FTO: variants seen among roughly 807,000 people sequenced by gnomAD.
FTO encodes the protein FTO alpha-ketoglutarate dependent dioxygenase, also known as alpha-ketoglutarate-dependent dioxygenase FTO.
In FTO, 47 loss-of-function variants were observed where a neutral mutation model predicts 63.9. The ratio of observed to expected loss-of-function variants is 0.74; its 90% CI spans 0.58 to 0.94. The LOEUF is 0.94. FTO is among the 40% of genes least tolerant of loss of function. FTO has a pLI of 0.00. For missense variants in FTO, 562 were observed against 618.1 expected, an observed-to-expected ratio of 0.91 and a Z score of 0.96; for synonymous variants, 207 against 224.4, an observed-to-expected ratio of 0.92 and a Z score of 0.69.
chr16:53,709,079 C>A (rs1311242859), intron 1 of FTO, among the ~76,000 whole-genome samples: 1 of 152,104 alleles, frequency 6.6e-6, no homozygotes, highest in African/African-American at 2.4e-5. Flanking sequence ...ACAAAGATTT[C>A]TTTTTTGCTT....
At chr16:54,098,636 C>T (rs1266770942) in intron 8 of FTO, among the ~76,000 whole-genome samples, 1 of 152,166 alleles carries the variant, frequency 6.6e-6, no homozygotes. Context: ...GTCTGTCTGT[C>T]GGTCTTTGAC....
chr16:53,723,340 A>C (rs891438287), intron 1 of FTO, among the ~76,000 whole-genome samples: 1 of 152,244 alleles, frequency 6.6e-6, no homozygotes, highest in Non-Finnish European at 1.5e-5. Context: ...AACTAAATCA[A>C]TGAATGATTA....
intron 1 of FTO, among the ~76,000 whole-genome samples, chr16:53,789,077 C>T (rs1317344797): frequency 1.3e-5 from 2 of 152,168 alleles, no homozygotes; most frequent in African/African-American, 4.8e-5. Context: ...ATATGTAAAA[C>T]ATGAAGATAT....
intron 8 of FTO, among the ~76,000 whole-genome samples, chr16:53,984,194 A>G (rs144254956): frequency 1.4e-3 from 206 of 152,256 alleles, no homozygotes; most frequent in African/African-American, 4.6e-3. Context: ...GTTAAGGCCA[A>G]CTTTTAAGGG....
In FTO at chr16:54,089,862, TAA is replaced by T. The variant is rs367617501; in HGVS notation, c.1365-21888_1365-21887del. ...ACTTCACACCTACTGGGATGGCAAT[TAA>T]AAAAAAAAAAAGAAAAGAAAATAAC... On this transcript the variant is annotated intron_variant, in intron 8 of 8. Transcript: ENST00000471389. Among the ~76,000 whole-genome samples the T allele has an allele frequency of 8.8e-3, 1,236 of 140,802 alleles. 16 individuals carry two copies. The highest frequency in any genetic ancestry group is 0.028 in the African/African-American group (1,095 of 39,222). The allele number at this position is 140,802 out of a possible 152,430, so 92.4% of individuals were successfully genotyped here.
In FTO at chr16:53,969,458, G is replaced by T. The variant is rs558766258; in HGVS notation, c.1364+35349G>T. Among the ~76,000 whole-genome samples, 9 of 152,184 alleles carry T rather than the reference G, an allele frequency of 5.9e-5. No homozygotes were observed. The South Asian group carries it at 1.9e-3, about 32-fold the overall frequency. On this transcript the variant is annotated intron_variant, in intron 8 of 8. Coordinates refer to ENST00000471389, the MANE Select transcript of FTO (RefSeq NM_001080432.3). Reference sequence around the variant, plus strand: ...AGAAAATTACTTGCTTATTTTTTGGGGGGGGCTTGTTTTCTATTAATTCAT... The same window carrying T: ...AGAAAATTACTTGCTTATTTTTTGGTGGGGGCTTGTTTTCTATTAATTCAT...
At chr16:53,945,440 G>C (rs1370017074) in intron 8 of FTO, among the ~76,000 whole-genome samples, 1 of 152,196 alleles carries the variant, frequency 6.6e-6, no homozygotes, top group East Asian at 1.9e-4. Flanking sequence ...GCCCAGGTTG[G>C]CCAAGAGCAA....
intron 1 of FTO, among the ~76,000 whole-genome samples, chr16:53,716,768 T>A (rs1181540086): frequency 6.6e-6 from 1 of 151,606 alleles, no homozygotes; most frequent in Admixed American, 6.6e-5. Flanking sequence ...TAATAATTTT[T>A]TATTTTAGAA....
At position 53,852,694 on chromosome 16, in the gene FTO, C is replaced by T. The variant is rs73617817; in HGVS notation, c.895+8396C>T. Among the ~76,000 whole-genome samples, 306 of 152,312 alleles carry T rather than the reference C, an allele frequency of 2.0e-3. 3 individuals carry two copies. Among genetic ancestry groups the T allele is most frequent in the African/African-American group, 7.1e-3 (297 of 41,568 alleles). ...AACCTGCGCCAATGAATGAAGAATA[C>T]TGCACATGTCAGGTCAAGATTTTAT... is the stretch of plus-strand genomic sequence containing the variant. On this transcript the variant is annotated intron_variant, in intron 4 of 8. Transcript: ENST00000471389.
intron 1 of FTO, among the ~76,000 whole-genome samples, chr16:53,745,048 G>T (rs559301244): frequency 3.9e-5 from 6 of 152,240 alleles, no homozygotes; most frequent in Non-Finnish European, 8.8e-5. Context: ...TTCAACATAA[G>T]AACTGTAGCT....
At position 54,112,031 on chromosome 16, in the gene FTO, C is replaced by T. The variant is rs533303860; in HGVS notation, c.*116C>T. ...CTCTTGGCCCCTAGATTGTAGCACC[C>T]GGGTCCCAATCCAAAACAGCTAGGA... On this transcript the variant is annotated 3_prime_UTR_variant, in exon 9 of 9. Transcript: ENST00000471389. The T allele has an allele frequency of 1.3e-3, 1,492 of 1,118,798 alleles. 26 individuals carry two copies. In the South Asian group the frequency reaches 0.016, roughly 12 times the overall value. The allele number at this position is 1,118,798 out of a possible 1,614,324, so 69.3% of individuals were successfully genotyped here. A position where few individuals can be genotyped will look rare whatever the true frequency, so the allele number is the denominator to read the frequency against.
intron 7 of FTO, among the ~76,000 whole-genome samples, chr16:53,914,429 T>C (rs2151946361): frequency 6.6e-6 from 1 of 152,236 alleles, no homozygotes; most frequent in Admixed American, 6.5e-5. Context: ...TTTTGGAAAG[T>C]AAGTTACAAG....
At chr16:53,891,346 C>CTT (rs5816910) in intron 7 of FTO, among the ~76,000 whole-genome samples, 89 of 147,344 alleles carry the variant, frequency 6.0e-4, no homozygotes, top group East Asian at 1.8e-3. Context: ...TGTTCAAGAG[C>CTT]TTTTTTTTTT....
intron 8 of FTO, among the ~76,000 whole-genome samples, chr16:54,062,377 G>A (rs1257004836): frequency 6.6e-6 from 1 of 152,078 alleles, no homozygotes; most frequent in Admixed American, 6.5e-5. Context: ...GCAGGGGGGT[G>A]CGGCAGGAAA....
rs556357629 is a variant in FTO at position 53,815,636 on chromosome 16, G to GTTTTTTTTTTTTTTTT, written c.123+5434_123+5449dup. 1.3e-4 allele frequency among the ~76,000 whole-genome samples: 13 copies of GTTTTTTTTTTTTTTTT among 98,162 alleles called. 1 individual carries two copies. Among genetic ancestry groups the GTTTTTTTTTTTTTTTT allele is most frequent in the African/African-American group, 4.9e-4 (9 of 18,546 alleles). The allele number at this position is 98,162 out of a possible 152,430, so 64.4% of individuals were successfully genotyped here. Reference sequence around the variant, plus strand: ...ACCCTATAAGGCCATTGACTTTCTTGTTTTTTTTTTTTTTTTTTTTTTTTT... The same window carrying GTTTTTTTTTTTTTTTT: ...ACCCTATAAGGCCATTGACTTTCTTGTTTTTTTTTTTTTTTTTTTTTTTTTTTTTTTTTTTTTTTTT... On this transcript the variant is annotated intron_variant, in intron 2 of 8. Coordinates refer to ENST00000471389, the MANE Select transcript of FTO (RefSeq NM_001080432.3).
At chr16:53,980,799 G>T (rs1443434262) in intron 8 of FTO, among the ~76,000 whole-genome samples, 1 of 151,994 alleles carries the variant, frequency 6.6e-6, no homozygotes, top group Non-Finnish European at 1.5e-5. Flanking sequence ...CTCAAAATAC[G>T]ACAGCCTTAT....
At chr16:53,837,414 C>T (rs1047411253) in intron 3 of FTO, among the ~76,000 whole-genome samples, 1 of 152,194 alleles carries the variant, frequency 6.6e-6, no homozygotes, top group Non-Finnish European at 1.5e-5. Context: ...TACAATTTAT[C>T]TGTGTCAAGG....
intron 8 of FTO, among the ~76,000 whole-genome samples, chr16:54,080,777 A>T (rs1310486743): frequency 1.3e-5 from 2 of 152,276 alleles, no homozygotes; most frequent in East Asian, 3.9e-4. Flanking sequence ...AACTCATGGG[A>T]AAAGGGACTG....
In FTO at chr16:53,983,674, C is replaced by T. The variant is rs149876917; in HGVS notation, c.1364+49565C>T. Among the ~76,000 whole-genome samples, 28 of 152,080 alleles carry T rather than the reference C, an allele frequency of 1.8e-4. 1 individual carries two copies. The highest frequency in any genetic ancestry group is 4.1e-4 in the South Asian group (2 of 4,820). On this transcript the variant is annotated intron_variant, in intron 8 of 8. Transcript: ENST00000471389. ...TGCAGAAGCCGGCAGGTAATGTCAA[C>T]GAGTGAAGCAGGGGTTGGTGTAATA...
Sources: gnomAD v4.1 joint callset for allele counts (sites outside exome capture counted in the v4.1 genomes callset) on GRCh38, gnomAD v4.1.1 for gene constraint, MANE v1.5 for transcripts, NCBI Gene and HGNC (gene_info 2026-07-23, HGNC 2026-07-21) for gene names.